The following RALGAPA1 variants were observed in gnomAD, a reference collection of about 807,000 sequenced individuals.
RALGAPA1 encodes the protein Ral GTPase activating protein catalytic subunit alpha 1, also known as ral GTPase-activating protein subunit alpha-1.
A neutral mutation model predicts 269.6 loss-of-function variants in RALGAPA1; 52 were observed. The observed-to-expected ratio is 0.19, with a 90% CI of 0.15 to 0.24. RALGAPA1 has a LOEUF of 0.24. Ranked by LOEUF, RALGAPA1 falls within the 10% of genes least tolerant of loss-of-function variation. The pLI, the probability that RALGAPA1 is intolerant of heterozygous loss-of-function variation, is 1.00. For missense variants in RALGAPA1, 1,917 were observed against 3,013.9 expected, an observed-to-expected ratio of 0.64 and a Z score of 8.52; for synonymous variants, 817 against 1,008.3, an observed-to-expected ratio of 0.81 and a Z score of 3.60.
In RALGAPA1 at chr14:35,723,137, GTCAGTGACCAC is replaced by G; in HGVS notation, c.1983_1993del (p.Glu661AspfsTer7). 6.2e-7 allele frequency: 1 copy of G among 1,608,354 alleles called. No individual in the cohort carries two copies. Among genetic ancestry groups the G allele is most frequent in the East Asian group, 2.2e-5 (1 of 44,824 alleles). ...TAAAACTTTAGTTAATGTCTCCATA[GTCAGTGACCAC>G]TCAGTGGCCAACTCTTCCCAATAGG... is the stretch of plus-strand genomic sequence containing the variant. On this transcript the variant is annotated frameshift_variant, in exon 15 of 42. Coordinates refer to ENST00000680220, the MANE Select transcript of RALGAPA1 (RefSeq NM_001346249.2). LOFTEE classifies it high-confidence loss of function.
At chr14:35,701,198 T>A (rs975152875) in intron 16 of RALGAPA1, among the ~76,000 whole-genome samples, 6 of 152,258 alleles carry the variant, frequency 3.9e-5, no homozygotes, top group Non-Finnish European at 7.4e-5. Context: ...CAGAGATTTT[T>A]AAAAAAACAT....
At chr14:35,648,210 T>A (rs1418202143) in intron 31 of RALGAPA1, among the ~76,000 whole-genome samples, 22 of 150,950 alleles carry the variant, frequency 1.5e-4, no homozygotes, top group Admixed American at 5.9e-4. Context: ...GGCAGAAGAA[T>A]CACTTGAACC....
chr14:35,647,425 C>G (rs2062508170), intron 31 of RALGAPA1, among the ~76,000 whole-genome samples: 1 of 152,098 alleles, frequency 6.6e-6, no homozygotes, highest in South Asian at 2.1e-4. Context: ...ATGAGAAATG[C>G]CTCCCTATAC....
At chr14:35,727,342 T>TAC (rs2070049308) in intron 13 of RALGAPA1, among the ~76,000 whole-genome samples, 1 of 135,892 alleles carries the variant, frequency 7.4e-6, no homozygotes, top group Non-Finnish European at 1.6e-5. Flanking sequence ...TATATATATA[T>TAC]ATATAGTATA....
chr14:35,784,077 T>C (rs778064136), intron 1 of RALGAPA1, among the ~76,000 whole-genome samples: 1 of 151,642 alleles, frequency 6.6e-6, no homozygotes, highest in Non-Finnish European at 1.5e-5. Context: ...TACCCAAGAA[T>C]TGAAAACATA....
chr14:35,721,809 T>C lies in RALGAPA1; in HGVS notation c.2145A>G (p.Ser715=), dbSNP rs367579082. The change falls in exon 16 of 42, where the codon TCA becomes TCG. Residue 715 remains serine (S), a synonymous_variant. Coordinates refer to ENST00000680220, the MANE Select transcript of RALGAPA1 (RefSeq NM_001346249.2). Reference sequence around the variant, plus strand: ...GATCACGACTCCATCCTCTAGAAAATGACTTGTCAACTGAAACTTTCTGAA... The same window carrying C: ...GATCACGACTCCATCCTCTAGAAAACGACTTGTCAACTGAAACTTTCTGAA... ...HEFQKVSVDK[S]FSRGWSRDQP... 6 of 1,613,552 alleles carry C rather than the reference T, an allele frequency of 3.7e-6. No individual in the cohort carries two copies. The African/African-American group carries it at 6.7e-5, about 18-fold the overall frequency.
intron 12 of RALGAPA1, among the ~76,000 whole-genome samples, chr14:35,732,418 T>C (rs1390540785): frequency 6.6e-6 from 1 of 150,658 alleles, no homozygotes; most frequent in African/African-American, 2.4e-5. Context: ...AATACTAACA[T>C]TGAATGTAAA....
intron 16 of RALGAPA1, among the ~76,000 whole-genome samples, chr14:35,704,855 A>G (rs1340851785): frequency 1.3e-5 from 2 of 152,154 alleles, no homozygotes. Context: ...AATGTCAGAA[A>G]TAAAATTTGT....
chr14:35,792,427 G>C (rs1205835630), intron 1 of RALGAPA1, among the ~76,000 whole-genome samples: 1 of 152,092 alleles, frequency 6.6e-6, no homozygotes, highest in Non-Finnish European at 1.5e-5. Context: ...AAAGTGTTGG[G>C]ATTATAGGCA....
intron 37 of RALGAPA1, among the ~76,000 whole-genome samples, chr14:35,581,554 G>A (rs1250642288): frequency 6.6e-6 from 1 of 151,928 alleles, no homozygotes; most frequent in Non-Finnish European, 1.5e-5. Flanking sequence ...TACTTAAATT[G>A]ATTTAAATTA....
At chr14:35,746,275 C>T (rs1213962134) in intron 10 of RALGAPA1, among the ~76,000 whole-genome samples, 1 of 152,076 alleles carries the variant, frequency 6.6e-6, no homozygotes, top group South Asian at 2.1e-4. Flanking sequence ...ATGGGAGATG[C>T]TGATCAAAAT....
chr14:35,720,620 T>G (rs2069312701), intron 16 of RALGAPA1, among the ~76,000 whole-genome samples: 2 of 152,174 alleles, frequency 1.3e-5, no homozygotes, highest in Admixed American at 1.3e-4. Context: ...ACTACACAGA[T>G]GAAGTACTTA....
At chr14:35,700,335 G>GAAAAA in intron 16 of RALGAPA1, 33 bp from the exon 17 acceptor site, 1 of 1,467,856 alleles carries the variant, frequency 6.8e-7, no homozygotes, top group Admixed American at 2.7e-5. Context: ...AGTGGGGAAG[G>GAAAAA]AAAAAAGAAG....
intron 26 of RALGAPA1, among the ~76,000 whole-genome samples, chr14:35,669,856 G>A (rs1292303467): frequency 1.3e-5 from 2 of 152,150 alleles, no homozygotes; most frequent in Non-Finnish European, 2.9e-5. Context: ...GTACGCAAGG[G>A]GAGGGGGAAG....
intron 11 of RALGAPA1, among the ~76,000 whole-genome samples, chr14:35,740,891 C>T (rs1480403482): frequency 6.6e-6 from 1 of 152,148 alleles, no homozygotes; most frequent in Admixed American, 6.5e-5. Flanking sequence ...ATAACTGTAA[C>T]ACCAAAAATT....
At chr14:35,802,078 G>A (rs566856041) in intron 1 of RALGAPA1, among the ~76,000 whole-genome samples, 1 of 152,342 alleles carries the variant, frequency 6.6e-6, no homozygotes, top group East Asian at 1.9e-4. Context: ...GGGAGGCCAA[G>A]GCAGGTGGCT....
At chr14:35,625,122 G>C (rs542736744) in intron 35 of RALGAPA1, among the ~76,000 whole-genome samples, 4 of 127,890 alleles carry the variant, frequency 3.1e-5, no homozygotes, top group Non-Finnish European at 6.1e-5. Flanking sequence ...CTGCACTCAA[G>C]CCTGGGTGAC....
chr14:35,675,461 C>T (rs1366119332), intron 22 of RALGAPA1, among the ~76,000 whole-genome samples: 1 of 152,212 alleles, frequency 6.6e-6, no homozygotes. Context: ...CAGGCGTGAG[C>T]CACCGCACCC....
rs561562478 is a variant in RALGAPA1 at position 35,796,669 on chromosome 14, GATA to G, written c.106+12058_106+12060del. On this transcript the variant is annotated intron_variant, in intron 1 of 41. Coordinates refer to ENST00000680220, the MANE Select transcript of RALGAPA1 (RefSeq NM_001346249.2). ...CATTTTCCATAAAAAGTAAGATACA[GATA>G]ATAACAGACTTCTTATCAGAAACAA... is the stretch of plus-strand genomic sequence containing the variant. 2.3e-3 allele frequency among the ~76,000 whole-genome samples: 348 copies of G among 151,924 alleles called. 3 individuals carry two copies. The highest frequency in any genetic ancestry group is 4.1e-3 in the Non-Finnish European group (276 of 67,956).
Sources: gnomAD v4.1 joint callset for allele counts (sites outside exome capture counted in the v4.1 genomes callset) on GRCh38, gnomAD v4.1.1 for gene constraint, MANE v1.5 for transcripts, NCBI Gene and HGNC (gene_info 2026-07-23, HGNC 2026-07-21) for gene names.